Variants in GALNT13 observed in about 807,000 individuals in gnomAD.
GALNT13 encodes UDP-GalNAc:polypeptide N-acetylgalactosaminyltransferase 13.
In GALNT13, 28 loss-of-function variants were observed where a neutral mutation model predicts 64.2. The ratio of observed to expected loss-of-function variants is 0.44; its 90% CI spans 0.32 to 0.60. The LOEUF is 0.60. GALNT13 is among the 20% of genes least tolerant of loss of function. The pLI is 0.05. For synonymous variants in GALNT13, 214 were observed against 224.6 expected (o/e 0.95, Z 0.42); for missense variants, 577 against 669.8 (o/e 0.86, Z 1.53).
chr2:153,786,064 C>T, the GALNT13 span, among the ~76,000 whole-genome samples: 1 of 151,894 alleles, frequency 6.6e-6, no homozygotes, highest in Non-Finnish European at 1.5e-5. Flanking sequence ...GCTCCAAATT[C>T]CTTGGAGGTG....
chr2:153,811,741 G>T, the GALNT13 span, among the ~76,000 whole-genome samples: 6 of 152,054 alleles, frequency 3.9e-5, no homozygotes, highest in Non-Finnish European at 7.4e-5. Context: ...TTTTTTCTGT[G>T]ATGTCTTAAT....
the GALNT13 span, among the ~76,000 whole-genome samples, chr2:153,306,615 A>G: frequency 6.6e-6 from 1 of 152,240 alleles, no homozygotes; most frequent in Non-Finnish European, 1.5e-5. Context: ...TAAAGCCATC[A>G]TTCTAATCAC....
intron 3 of GALNT13, among the ~76,000 whole-genome samples, chr2:154,103,055 C>G (rs1277187326): frequency 1.3e-5 from 2 of 151,926 alleles, no homozygotes; most frequent in African/African-American, 4.8e-5. Flanking sequence ...GTCTATATCT[C>G]TAGCAAGATC....
chr2:153,347,304 G>A, the GALNT13 span, among the ~76,000 whole-genome samples: 24 of 152,298 alleles, frequency 1.6e-4, no homozygotes, highest in African/African-American at 5.8e-4. Flanking sequence ...TCAGGCAGCT[G>A]AGAATCAGTT....
the GALNT13 span, among the ~76,000 whole-genome samples, chr2:153,353,973 G>T: frequency 3.4e-4 from 51 of 152,112 alleles, no homozygotes; most frequent in East Asian, 8.9e-3. Context: ...GTAGAAAATT[G>T]GTGTCATTTA....
chr2:153,635,426 A>ATG, the GALNT13 span, among the ~76,000 whole-genome samples: 99 of 143,930 alleles, frequency 6.9e-4, no homozygotes, highest in East Asian at 9.7e-3. Context: ...ACACATATAT[A>ATG]TGTATATATA....
At chr2:154,425,647 A>G (rs1017433476) in intron 11 of GALNT13, among the ~76,000 whole-genome samples, 4 of 152,232 alleles carry the variant, frequency 2.6e-5, no homozygotes, top group Non-Finnish European at 4.4e-5. Context: ...CAATAGAAAG[A>G]TAAGTTGCCA....
chr2:153,752,812 A>G, the GALNT13 span, among the ~76,000 whole-genome samples: 2 of 152,158 alleles, frequency 1.3e-5, no homozygotes, highest in Non-Finnish European at 2.9e-5. Context: ...GTTCTCTGTT[A>G]TTATATATTG....
At chr2:154,146,513 G>C (rs1238741115) in intron 4 of GALNT13, among the ~76,000 whole-genome samples, 9 of 151,994 alleles carry the variant, frequency 5.9e-5, no homozygotes, top group Non-Finnish European at 8.8e-5. Context: ...GTAATGTTAA[G>C]TATAAAGGAC....
intron 4 of GALNT13, among the ~76,000 whole-genome samples, chr2:154,181,143 A>C (rs759588945): frequency 6.6e-6 from 1 of 152,188 alleles, no homozygotes; most frequent in Non-Finnish European, 1.5e-5. Context: ...CCAAGGAATG[A>C]CTATATTGCT....
chr2:153,082,610 TATATATATACACACACACACAC>T, the GALNT13 span, among the ~76,000 whole-genome samples: 233 of 43,336 alleles, frequency 5.4e-3, 1 homozygote, highest in African/African-American at 9.3e-3. Context: ...TATATATATA[TATATATATACACACACACACAC>T]ACACACACAC....
intron 3 of GALNT13, among the ~76,000 whole-genome samples, chr2:153,983,006 T>C (rs923939426): frequency 1.3e-5 from 2 of 151,988 alleles, no homozygotes; most frequent in Non-Finnish European, 2.9e-5. Context: ...CAAGAACTAT[T>C]TTTATCTGGA....
the GALNT13 span, among the ~76,000 whole-genome samples, chr2:153,497,531 T>A: frequency 4.0e-5 from 4 of 100,402 alleles, no homozygotes; most frequent in Admixed American, 1.1e-4. Context: ...CATTTTTTTT[T>A]TTTTTTTTTT....
the GALNT13 span, among the ~76,000 whole-genome samples, chr2:153,523,127 G>A: frequency 0.072 from 10,113 of 140,738 alleles, 1,132 homozygotes; most frequent in African/African-American, 0.25. Context: ...TTTCAATTGC[G>A]TTGGCTTTGC....
chr2:153,863,946 A>G, the GALNT13 span, among the ~76,000 whole-genome samples: 31 of 152,294 alleles, frequency 2.0e-4, no homozygotes, highest in Non-Finnish European at 3.5e-4. Flanking sequence ...TTTACTTCAT[A>G]TCTGCCTTTT....
At chr2:153,853,723 CAATTGTATT>C in the GALNT13 span, among the ~76,000 whole-genome samples, 5 of 149,492 alleles carry the variant, frequency 3.3e-5, no homozygotes, top group African/African-American at 1.2e-4. Context: ...TTATATATTA[CAATTGTATT>C]ATACAATTGT....
chr2:153,144,006 G>T, the GALNT13 span, among the ~76,000 whole-genome samples: 2 of 151,922 alleles, frequency 1.3e-5, no homozygotes, highest in African/African-American at 4.8e-5. Context: ...ACATGAATGC[G>T]TACGAAATAC....
chr2:153,070,170 A>G, the GALNT13 span, among the ~76,000 whole-genome samples: 1 of 152,342 alleles, frequency 6.6e-6, no homozygotes, highest in Admixed American at 6.5e-5. Flanking sequence ...ATGAAAAGAC[A>G]TGGAGAAACC....
chr2:153,305,887 G>A, the GALNT13 span, among the ~76,000 whole-genome samples: 1 of 152,150 alleles, frequency 6.6e-6, no homozygotes, highest in Non-Finnish European at 1.5e-5. Flanking sequence ...TAGCCACCAG[G>A]AAAATGTTTG....
Sources: gnomAD v4.1 joint callset for allele counts (sites outside exome capture counted in the v4.1 genomes callset) on GRCh38, gnomAD v4.1.1 for gene constraint, MANE v1.5 for transcripts, NCBI Gene and HGNC (gene_info 2026-07-23, HGNC 2026-07-21) for gene names.